The following AGR2 variants were observed in gnomAD, a reference collection of about 807,000 sequenced individuals.
AGR2 encodes the protein anterior gradient protein 2 homolog.
A neutral mutation model predicts 25.9 loss-of-function variants in AGR2; 27 were observed. The observed-to-expected ratio is 1.04, with a 90% CI of 0.77 to 1.44. AGR2 has a LOEUF of 1.44. Ranked by LOEUF, AGR2 falls within the 40% of genes most tolerant of loss-of-function variation. The probability of loss-of-function intolerance (pLI) is 0.00; values close to 1 mark genes in which losing one functional copy is unlikely to be tolerated. For missense variants in AGR2, 182 were observed against 200.9 expected (o/e 0.91, Z 0.57); for synonymous variants, 78 against 72.0 (o/e 1.08, Z -0.42).
intron 7 of AGR2, among the ~76,000 whole-genome samples, chr7:16,794,085 C>G (rs558085263): frequency 6.6e-6 from 1 of 152,312 alleles, no homozygotes; most frequent in Non-Finnish European, 1.5e-5. Context: ...ATGATGATCT[C>G]TCCTGCTTCC....
In AGR2 at chr7:16,799,725, T is replaced by C. The variant is rs376401016; in HGVS notation, c.330+19A>G. On this transcript the variant is annotated intron_variant, in intron 5 of 7. Transcript: ENST00000419304. ...ATGAGCCATAGAGAAATGTTAGTAA[T>C]GATGAAAAGGAAACTTACAACCAGA... is the stretch of plus-strand genomic sequence containing the variant. The C allele has an allele frequency of 6.3e-7, 1 of 1,585,010 alleles. No homozygotes were observed. The highest frequency in any genetic ancestry group is 1.3e-5 in the African/African-American group (1 of 74,122).
rs181231647 is a variant in AGR2, at chr7:16,795,066, A to C, written c.395-47T>G. ...AAGGGAATGGAATGGTTTGTTTTCA[A>C]ACAACCTGTATTTATTGCCCCGGGG... On this transcript the variant is annotated intron_variant, in intron 6 of 7. Transcript: ENST00000419304. 5.6e-3 allele frequency: 9,025 copies of C among 1,601,526 alleles called. 37 individuals are homozygous for C. Among genetic ancestry groups the C allele is most frequent in the Non-Finnish European group, 7.0e-3 (8,210 of 1,169,174 alleles).
chr7:16,801,804 C>A lies in AGR2; in HGVS notation c.-7-1G>T. 1 of 1,603,958 alleles carries A rather than the reference C, an allele frequency of 6.2e-7. No individual in the cohort carries two copies. The highest frequency in any genetic ancestry group is 8.5e-7 in the Non-Finnish European group (1 of 1,173,408). ...CACTGGAATTTTCTCCATGGCAACTCTAGTATGGAAAACCAACCAAAATCA... is the reference window on the plus strand; with the variant it reads ...CACTGGAATTTTCTCCATGGCAACTATAGTATGGAAAACCAACCAAAATCA... On this transcript the variant is annotated splice_acceptor_variant, in intron 1 of 7. Coordinates refer to ENST00000419304, the MANE Select transcript of AGR2 (RefSeq NM_006408.4). LOFTEE classifies it low-confidence loss of function (5UTR_SPLICE).
intron 7 of AGR2, 98 bp from the exon 8 acceptor site, chr7:16,793,055 A>G (rs914254731): frequency 1.7e-6 from 2 of 1,188,292 alleles, no homozygotes; most frequent in Non-Finnish European, 2.5e-6. Context: ...ATTTAATGGG[A>G]TGCTTTTTTT....
At chr7:16,793,228 T>G (rs1487306252) in intron 7 of AGR2, among the ~76,000 whole-genome samples, 2 of 152,078 alleles carry the variant, frequency 1.3e-5, no homozygotes, top group Non-Finnish European at 2.9e-5. Flanking sequence ...TTTGTATTTT[T>G]GGGAGAGATG....
In AGR2 at chr7:16,797,673, G is replaced by A; in HGVS notation, c.352C>T (p.Leu118Phe). The A allele has an allele frequency of 6.2e-7, 1 of 1,613,730 alleles. No individual in the cohort carries two copies. The highest frequency in any genetic ancestry group is 8.5e-7 in the Non-Finnish European group (1 of 1,179,834). ...GGGACATACTGGCCATCAGGAGAAA[G>A]GTGTTTGTCAGTTGTTTCATACTAA... is the stretch of plus-strand genomic sequence containing the variant. ...NLVYETTDKH[L>F]SPDGQYVPRI... is the part of the protein sequence containing the mutation. Residue 118 changes from leucine (L) to phenylalanine (F), a missense_variant, in exon 6 of 8, where the codon CTT (leucine) becomes TTT (phenylalanine). Physicochemically the swap from Leu to Phe is conservative, Grantham distance 22 (BLOSUM62 0). Coordinates refer to ENST00000419304, the MANE Select transcript of AGR2 (RefSeq NM_006408.4).
rs1041457820 is a variant in AGR2 at position 16,792,847 on chromosome 7, ACTT to A, written c.*58_*60del. ...CTTCCACACTAGCCAGTCTTCTCAC[ACTT>A]CTTCTGGTTTCAAGTCTCAAGGCCT... On this transcript the variant is annotated 3_prime_UTR_variant, in exon 8 of 8. Transcript: ENST00000419304. 13 of 1,437,224 alleles carry A rather than the reference ACTT, an allele frequency of 9.0e-6. No homozygotes were observed. The African/African-American group carries it at 1.3e-4, about 14-fold the overall frequency. 89.0% of individuals were successfully genotyped at this position (1,437,224 alleles called of 1,614,324 possible).
chr7:16,804,340 T>C (rs555266275), intron 1 of AGR2, among the ~76,000 whole-genome samples: 3 of 151,960 alleles, frequency 2.0e-5, no homozygotes, highest in Non-Finnish European at 4.4e-5. Flanking sequence ...CGTATCCCTG[T>C]CTTCTTGTCT....
chr7:16,797,813 A>G, intron 5 of AGR2, 119 bp from the exon 6 acceptor site: 2 of 723,228 alleles, frequency 2.8e-6, no homozygotes, highest in South Asian at 3.6e-5. Flanking sequence ...TAACTCTTCC[A>G]CACAGAGTTT....
intron 5 of AGR2, among the ~76,000 whole-genome samples, chr7:16,799,277 A>T (rs1785100847): frequency 6.6e-6 from 1 of 152,184 alleles, no homozygotes; most frequent in Non-Finnish European, 1.5e-5. Flanking sequence ...TGTATACAGT[A>T]AAAAGAACTT....
intron 7 of AGR2, among the ~76,000 whole-genome samples, chr7:16,794,295 C>G (rs1785007046): frequency 6.6e-6 from 1 of 152,218 alleles, no homozygotes; most frequent in African/African-American, 2.4e-5. Flanking sequence ...CAGTGCAGTT[C>G]TAGGCAGCCA....
At chr7:16,794,711 A>T in intron 7 of AGR2, 1 of 1,205,608 alleles carries the variant, frequency 8.3e-7, no homozygotes, top group African/African-American at 1.5e-5. Flanking sequence ...AGAAAAAGAT[A>T]CCTAATCTAA....
intron 7 of AGR2, among the ~76,000 whole-genome samples, chr7:16,793,508 A>C (rs1387904928): frequency 1.3e-5 from 2 of 152,250 alleles, no homozygotes; most frequent in East Asian, 3.8e-4. Context: ...ATCCTTTTAT[A>C]AGCTCTAGCA....
chr7:16,793,582 A>T (rs1784996486), intron 7 of AGR2, among the ~76,000 whole-genome samples: 1 of 152,246 alleles, frequency 6.6e-6, no homozygotes, highest in African/African-American at 2.4e-5. Flanking sequence ...AATGTCTATT[A>T]GTAGGTGTGT....
chr7:16,792,926 C>A lies in AGR2; in HGVS notation c.510G>T (p.Leu170Phe). Residue 170 changes from leucine to phenylalanine, a missense_variant, in exon 8 of 8, where the codon TTG (leucine) becomes TTT (phenylalanine). Leu to Phe is a conservative substitution (Grantham distance 22). Coordinates refer to ENST00000419304, the MANE Select transcript of AGR2 (RefSeq NM_006408.4). Reference protein sequence around the residue: ...LLDNMKKALKLLKTEL With the variant: ...LLDNMKKALKFLKTEL ...TTTTTCTTTACAATTCAGTCTTCAG[C>A]AACTTGAGAGCTTTCTTCATGTTGT... 6.2e-7 allele frequency: 1 copy of A among 1,614,102 alleles called. No homozygotes were observed.
At chr7:16,795,146 C>G (rs190396047) in intron 6 of AGR2, 127 bp from the exon 7 acceptor site, 3 of 1,023,572 alleles carry the variant, frequency 2.9e-6, no homozygotes, top group Non-Finnish European at 4.4e-6. Context: ...TCTGCACTCA[C>G]AGGAGCTCTG....
chr7:16,801,527 A>G (rs1167450034), intron 2 of AGR2, 131 bp downstream of exon 2: 4 of 1,362,406 alleles, frequency 2.9e-6, no homozygotes, highest in Non-Finnish European at 4.2e-6. Flanking sequence ...AATTATAAAC[A>G]GTGATAAGTC....
chr7:16,793,058 C>CTTT, intron 7 of AGR2, 101 bp from the exon 8 acceptor site: 2 of 1,002,846 alleles, frequency 2.0e-6, no homozygotes, highest in Non-Finnish European at 2.9e-6. Flanking sequence ...TAATGGGATG[C>CTTT]TTTTTTTTTT....
chr7:16,801,636 C>T, intron 2 of AGR2, 22 bp downstream of exon 2: 1 of 1,613,724 alleles, frequency 6.2e-7, no homozygotes, highest in East Asian at 2.2e-5. Context: ...CAGTTGGAAG[C>T]CAACAAGAAG....
Sources: gnomAD v4.1 joint callset for allele counts (sites outside exome capture counted in the v4.1 genomes callset) on GRCh38, gnomAD v4.1.1 for gene constraint, MANE v1.5 for transcripts, NCBI Gene and HGNC (gene_info 2026-07-23, HGNC 2026-07-21) for gene names.